The following PDGFD variants were observed in gnomAD, a reference collection of about 807,000 sequenced individuals.
PDGFD encodes the protein platelet-derived growth factor D.
A neutral mutation model predicts 44.7 loss-of-function variants in PDGFD; 30 were observed. The observed-to-expected ratio is 0.67, with a 90% CI of 0.50 to 0.91. The LOEUF (loss-of-function observed/expected upper bound fraction) is 0.91. Ranked by LOEUF, PDGFD falls within the 40% of genes least tolerant of loss-of-function variation. The pLI, the probability that PDGFD is intolerant of heterozygous loss-of-function variation, is 0.00. For synonymous variants in PDGFD, 173 were observed against 168.4 expected (o/e 1.03, Z -0.21); for missense variants, 445 against 457.8 (o/e 0.97, Z 0.25).
At chr11:104,074,931 A>T (rs567394220) in intron 1 of PDGFD, among the ~76,000 whole-genome samples, 1 of 152,352 alleles carries the variant, frequency 6.6e-6, no homozygotes, top group Admixed American at 6.5e-5. Flanking sequence ...TTATTTAATT[A>T]GATAAATAAC....
intron 1 of PDGFD, chr11:104,037,284 CCA>C: frequency 6.2e-7 from 1 of 1,613,386 alleles, no homozygotes; most frequent in Non-Finnish European, 8.5e-7. Context: ...TCTCCAACCC[CCA>C]CGATCTGTCC....
chr11:104,104,598 T>C (rs1861445917), intron 1 of PDGFD, among the ~76,000 whole-genome samples: 1 of 152,162 alleles, frequency 6.6e-6, no homozygotes, highest in Admixed American at 6.6e-5. Flanking sequence ...GTTTGTAGCC[T>C]AGGACCAAAG....
chr11:104,104,923 G>A (rs1344541393), intron 1 of PDGFD, among the ~76,000 whole-genome samples: 1 of 152,068 alleles, frequency 6.6e-6, no homozygotes, highest in Non-Finnish European at 1.5e-5. Context: ...CTATGGGAAC[G>A]CTACATAGGA....
chr11:104,112,766 C>T (rs542831265), intron 1 of PDGFD, among the ~76,000 whole-genome samples: 72 of 152,090 alleles, frequency 4.7e-4, no homozygotes, highest in African/African-American at 1.5e-3. Flanking sequence ...CAAACTAACA[C>T]AGGAACAGGA....
chr11:103,931,643 G>A (rs1285606779), intron 5 of PDGFD, among the ~76,000 whole-genome samples: 5 of 152,106 alleles, frequency 3.3e-5, no homozygotes, highest in African/African-American at 1.2e-4. Flanking sequence ...CTGGAGTGCA[G>A]TGGCATGATT....
intron 6 of PDGFD, among the ~76,000 whole-genome samples, chr11:103,918,314 A>G (rs759845431): frequency 1.3e-4 from 20 of 152,332 alleles, no homozygotes; most frequent in South Asian, 8.3e-4. Context: ...AATTTCTCCA[A>G]GATGAATTAA....
At chr11:104,158,788 C>T (rs1274497935) in intron 1 of PDGFD, among the ~76,000 whole-genome samples, 2 of 150,950 alleles carry the variant, frequency 1.3e-5, no homozygotes, top group Admixed American at 6.6e-5. Flanking sequence ...GCCGAGATCT[C>T]GCCACAGCAC....
intron 5 of PDGFD, among the ~76,000 whole-genome samples, chr11:103,933,497 C>A (rs1858438783): frequency 6.6e-6 from 1 of 152,186 alleles, no homozygotes. Context: ...TTTTGTGACT[C>A]CACATGTGGG....
At chr11:103,964,677 C>A (rs1331060643) in intron 3 of PDGFD, among the ~76,000 whole-genome samples, 1 of 152,072 alleles carries the variant, frequency 6.6e-6, no homozygotes, top group Non-Finnish European at 1.5e-5. Context: ...GTTCCAGAGA[C>A]AATGGATCAT....
intron 3 of PDGFD, among the ~76,000 whole-genome samples, chr11:103,993,782 T>C (rs496339): frequency 0.09 from 13,656 of 152,252 alleles, 712 homozygotes; most frequent in African/African-American, 0.13. Context: ...TCTTAAAATT[T>C]GTTTGTCAAA....
intron 1 of PDGFD, among the ~76,000 whole-genome samples, chr11:104,052,214 AGCC>A (rs1461956144): frequency 2.6e-5 from 4 of 152,194 alleles, no homozygotes; most frequent in Admixed American, 1.3e-4. Context: ...TGATGGCTGA[AGCC>A]AACATGCTTT....
chr11:104,142,435 A>ATG (rs1275322797), intron 1 of PDGFD, among the ~76,000 whole-genome samples: 1 of 152,048 alleles, frequency 6.6e-6, no homozygotes, highest in Non-Finnish European at 1.5e-5. Flanking sequence ...ATGTACAGGA[A>ATG]TGTGTGTGTG....
At chr11:104,009,209 A>G (rs1334032755) in intron 1 of PDGFD, among the ~76,000 whole-genome samples, 1 of 152,122 alleles carries the variant, frequency 6.6e-6, no homozygotes, top group Admixed American at 6.6e-5. Context: ...AGGCCCTACC[A>G]TACTTTAAGA....
intron 1 of PDGFD, among the ~76,000 whole-genome samples, chr11:104,020,085 G>C (rs753748510): frequency 1.3e-5 from 2 of 152,044 alleles, no homozygotes; most frequent in African/African-American, 2.4e-5. Context: ...CAAATTTCTA[G>C]GCAGCAAACA....
chr11:103,975,572 C>T (rs558557853), intron 3 of PDGFD, among the ~76,000 whole-genome samples: 41 of 152,020 alleles, frequency 2.7e-4, no homozygotes, highest in Non-Finnish European at 4.9e-4. Context: ...TGCCCATGCC[C>T]ATGTCCTGAA....
intron 1 of PDGFD, among the ~76,000 whole-genome samples, chr11:104,094,354 C>A (rs182808924): frequency 6.6e-6 from 1 of 152,058 alleles, no homozygotes; most frequent in Non-Finnish European, 1.5e-5. Flanking sequence ...CTTCTTTCCT[C>A]TTTGCATACA....
chr11:103,963,495 C>T (rs1475873288), intron 3 of PDGFD, among the ~76,000 whole-genome samples: 2 of 152,102 alleles, frequency 1.3e-5, no homozygotes, highest in African/African-American at 2.4e-5. Context: ...CTTCACCACC[C>T]CATAATTATC....
chr11:104,029,614 C>A (rs904147693), intron 1 of PDGFD, among the ~76,000 whole-genome samples: 2 of 152,138 alleles, frequency 1.3e-5, no homozygotes, highest in African/African-American at 4.8e-5. Context: ...TATACTCTGT[C>A]CTATTTGGAA....
chr11:104,093,178 T>C (rs1338514385), intron 1 of PDGFD, among the ~76,000 whole-genome samples: 2 of 152,094 alleles, frequency 1.3e-5, no homozygotes, highest in Non-Finnish European at 2.9e-5. Flanking sequence ...GATTTTTCAC[T>C]GGGAATTCTG....
Sources: gnomAD v4.1 joint callset for allele counts (sites outside exome capture counted in the v4.1 genomes callset) on GRCh38, gnomAD v4.1.1 for gene constraint, MANE v1.5 for transcripts, NCBI Gene and HGNC (gene_info 2026-07-23, HGNC 2026-07-21) for gene names.